Variants in PCDHGA3 observed in about 807,000 individuals in gnomAD.
The protein encoded by PCDHGA3 is protocadherin gamma-A3.
PCDHGA3 carries 40 observed loss-of-function variants against 58.5 expected under a neutral mutation model. The ratio of observed to expected loss-of-function variants is 0.68; its 90% CI spans 0.53 to 0.89. The LOEUF (loss-of-function observed/expected upper bound fraction) is 0.89, where lower values mean the gene tolerates loss of function less well. Ranked by LOEUF, PCDHGA3 falls within the 40% of genes least tolerant of loss-of-function variation. The probability of loss-of-function intolerance (pLI) is 0.00; values close to 1 mark genes in which losing one functional copy is unlikely to be tolerated. For synonymous variants in PCDHGA3, 530 were observed against 525.7 expected (o/e 1.01, Z -0.11); for missense variants, 1,223 against 1,195.9 (o/e 1.02, Z -0.33).
In PCDHGA3 at chr5:141,490,347, G is replaced by T; in HGVS notation, c.2425-4460G>T. On this transcript the variant is annotated intron_variant, in intron 1 of 3. Coordinates refer to ENST00000253812, the MANE Select transcript of PCDHGA3 (RefSeq NM_018916.4). This position sits in a 1 kb window ranked among gnomAD's most constrained non-coding sequence, Gnocchi z 5.4. ...AGAGCACACCAGTGGGCACAGTAGT[G>T]GGGTTGTTTAATGTGCGAGACCGGG... 1 of 1,614,180 alleles carries T rather than the reference G, an allele frequency of 6.2e-7. No homozygotes were observed.
intron 1 of PCDHGA3, chr5:141,384,104 A>C: frequency 1.2e-6 from 2 of 1,601,040 alleles, no homozygotes; most frequent in Non-Finnish European, 8.5e-7. Context: ...GATAATTATT[A>C]TAGATTGGTC....
intron 2 of PCDHGA3, 30 bp from the exon 3 acceptor site, chr5:141,505,361 AGT>A: frequency 6.2e-7 from 1 of 1,613,910 alleles, no homozygotes; most frequent in Non-Finnish European, 8.5e-7. Context: ...CCGGCCTGGG[AGT>A]CTGTGCTCAC....
At chr5:141,394,686 G>A in intron 1 of PCDHGA3, 4 of 1,612,316 alleles carry the variant, frequency 2.5e-6, no homozygotes, top group Non-Finnish European at 3.4e-6. Context: ...GCACACGGGC[G>A]AGGTGCGCAC....
intron 1 of PCDHGA3, chr5:141,400,601 C>T (rs1401354209): frequency 1.3e-6 from 2 of 1,592,588 alleles, no homozygotes; most frequent in East Asian, 4.5e-5. Flanking sequence ...CGTACATTTT[C>T]AAGTCCAATG....
At chr5:141,393,248 C>T (rs1242966092) in intron 1 of PCDHGA3, 2 of 1,613,798 alleles carry the variant, frequency 1.2e-6, no homozygotes, top group Middle Eastern at 1.7e-4. Context: ...TTAACGAAAT[C>T]GCGGTTCCTG....
intron 3 of PCDHGA3, among the ~76,000 whole-genome samples, chr5:141,507,521 C>G (rs2099861196): frequency 6.6e-6 from 1 of 151,972 alleles, no homozygotes; most frequent in African/African-American, 2.4e-5. Flanking sequence ...GGCTATGATT[C>G]CAGAGAGGCC....
rs758205179 is a variant in PCDHGA3 at position 141,477,813 on chromosome 5, A to G, written c.2425-16994A>G. ...ACTGATCGCAATGACAATGCCCCCC[A>G]GGTCCTATATCCTCGGCCAGGTGGG... On this transcript the variant is annotated intron_variant, in intron 1 of 3. Transcript: ENST00000253812. This position sits in a 1 kb window ranked among gnomAD's most constrained non-coding sequence, Gnocchi z 4.9. The G allele has an allele frequency of 8.1e-6, 13 of 1,614,002 alleles. No homozygotes were observed. The East Asian group carries it at 2.7e-4, about 33-fold the overall frequency.
chr5:141,352,219 C>A lies in PCDHGA3; in HGVS notation c.2424+5762C>A. ...GAGGACAGCCGCCACTCTCCGCCACCGCCACGCTGCACCTAATCTTCGCGG... is the reference window on the plus strand; with the variant it reads ...GAGGACAGCCGCCACTCTCCGCCACAGCCACGCTGCACCTAATCTTCGCGG... On this transcript the variant is annotated intron_variant, in intron 1 of 3. Coordinates refer to ENST00000253812, the MANE Select transcript of PCDHGA3 (RefSeq NM_018916.4). The A allele has an allele frequency of 3.7e-6, 6 of 1,614,030 alleles. 1 individual carries two copies. Among genetic ancestry groups the A allele is most frequent in the South Asian group, 2.2e-5 (2 of 91,088 alleles).
intron 1 of PCDHGA3, chr5:141,352,175 C>T (rs1404224262): frequency 6.2e-7 from 1 of 1,613,662 alleles, no homozygotes; most frequent in South Asian, 1.1e-5. Context: ...CCAGCGCCTG[C>T]TGGTCGCTGT....
chr5:141,370,807 C>T lies in PCDHGA3; in HGVS notation c.2424+24350C>T. 2 of 1,614,036 alleles carry T rather than the reference C, an allele frequency of 1.2e-6. No homozygotes were observed. Among genetic ancestry groups the T allele is most frequent in the Non-Finnish European group, 1.7e-6 (2 of 1,179,902 alleles). On this transcript the variant is annotated intron_variant, in intron 1 of 3. Coordinates refer to ENST00000253812, the MANE Select transcript of PCDHGA3 (RefSeq NM_018916.4). ...CCACCGACCTTTAGCCAAAATATCA[C>T]TGAGCTGGAAATCAGCGAACTGGCT...
intron 1 of PCDHGA3, among the ~76,000 whole-genome samples, chr5:141,373,662 T>C (rs1319235176): frequency 6.6e-6 from 1 of 152,246 alleles, no homozygotes; most frequent in Non-Finnish European, 1.5e-5. Context: ...GATATTTTCA[T>C]AAAAATGAAT....
intron 1 of PCDHGA3, chr5:141,409,042 C>A: frequency 5.0e-6 from 8 of 1,614,034 alleles, no homozygotes; most frequent in Middle Eastern, 1.6e-4. Context: ...TAAACTACTA[C>A]TTCCGAAGCA....
At chr5:141,395,633 G>T (rs1448678453) in intron 1 of PCDHGA3, 1 of 179,296 alleles carries the variant, frequency 5.6e-6, no homozygotes, top group African/African-American at 2.4e-5. Context: ...GAAGTCTAAA[G>T]CCTTGTTATT....
At chr5:141,408,274 G>T (rs773254664) in intron 1 of PCDHGA3, 2 of 1,611,590 alleles carry the variant, frequency 1.2e-6, no homozygotes, top group Non-Finnish European at 1.7e-6. Flanking sequence ...TGCTGCCTTT[G>T]TTCTACCCCA....
At position 141,489,635 on chromosome 5, in the gene PCDHGA3, G is replaced by C. The variant is rs1380466520; in HGVS notation, c.2425-5172G>C. 2 of 1,614,142 alleles carry C rather than the reference G, an allele frequency of 1.2e-6. No homozygotes were observed. The highest frequency in any genetic ancestry group is 3.3e-5 in the Admixed American group (2 of 60,016). ...CTGGATCTCAATGACAACTCTCCTAGCTTTGCCACCCCTGAGCGAGAGATG... is the reference window on the plus strand; with the variant it reads ...CTGGATCTCAATGACAACTCTCCTACCTTTGCCACCCCTGAGCGAGAGATG... On this transcript the variant is annotated intron_variant, in intron 1 of 3. Transcript: ENST00000253812. This position sits in a 1 kb window ranked among gnomAD's most constrained non-coding sequence, Gnocchi z 4.5.
intron 1 of PCDHGA3, among the ~76,000 whole-genome samples, chr5:141,469,731 C>A (rs1332201791): frequency 6.6e-6 from 1 of 152,214 alleles, no homozygotes; most frequent in Non-Finnish European, 1.5e-5. Context: ...ATCATAAATA[C>A]ACACCTCAAA....
intron 1 of PCDHGA3, among the ~76,000 whole-genome samples, chr5:141,347,098 CCT>C (rs1245970285): frequency 4.1e-5 from 6 of 145,716 alleles, no homozygotes; most frequent in East Asian, 2.0e-4. Flanking sequence ...TTCCTTCCTT[CCT>C]CTCTCTCTTT....
intron 1 of PCDHGA3, chr5:141,416,166 T>C (rs2096001393): frequency 6.5e-6 from 1 of 152,744 alleles, no homozygotes; most frequent in Admixed American, 6.5e-5. Flanking sequence ...CAGTTGAATA[T>C]ACTAAGTTTT....
At chr5:141,404,022 G>C (rs2094476462) in intron 1 of PCDHGA3, 1 of 1,613,754 alleles carries the variant, frequency 6.2e-7, no homozygotes, top group Admixed American at 1.7e-5. Context: ...AGCCCAGTGA[G>C]AGAAGACGCA....
Sources: gnomAD v4.1 joint callset for allele counts (sites outside exome capture counted in the v4.1 genomes callset) on GRCh38, gnomAD v4.1.1 for gene constraint, Gnocchi (gnomAD v3.1) non-coding constraint, MANE v1.5 for transcripts, NCBI Gene and HGNC (gene_info 2026-07-23, HGNC 2026-07-21) for gene names.